The following CAT variants were observed in gnomAD, a reference collection of about 807,000 sequenced individuals.
CAT encodes the protein catalase.
CAT carries 43 observed loss-of-function variants against 59.0 expected under a neutral mutation model. The observed-to-expected ratio is 0.73, with a 90% CI of 0.57 to 0.94. The LOEUF (loss-of-function observed/expected upper bound fraction) is 0.94, where lower values mean the gene tolerates loss of function less well. Ranked by LOEUF, CAT falls within the 40% of genes least tolerant of loss-of-function variation. The pLI is 0.00. For missense variants in CAT, 664 were observed against 682.9 expected (o/e 0.97, Z 0.31); for synonymous variants, 218 against 230.9 (o/e 0.94, Z 0.51).
intron 1 of CAT, among the ~76,000 whole-genome samples, chr11:34,448,870 A>G (rs1268497227): frequency 6.6e-6 from 1 of 152,112 alleles, no homozygotes; most frequent in Non-Finnish European, 1.5e-5. Flanking sequence ...GCTTTTGGGC[A>G]CCTCTCTGAC....
intron 8 of CAT, among the ~76,000 whole-genome samples, chr11:34,458,241 G>T (rs1337441791): frequency 6.6e-6 from 1 of 152,202 alleles, no homozygotes; most frequent in African/African-American, 2.4e-5. Flanking sequence ...GACATGTTAG[G>T]TGTGTTGAAA....
At chr11:34,458,810 G>A (rs1260170330) in intron 8 of CAT, among the ~76,000 whole-genome samples, 1 of 152,150 alleles carries the variant, frequency 6.6e-6, no homozygotes, top group African/African-American at 2.4e-5. Flanking sequence ...GGAGAACTAG[G>A]CCCCCGGGAA....
intron 4 of CAT, among the ~76,000 whole-genome samples, chr11:34,452,494 C>T (rs753235818): frequency 1.8e-4 from 28 of 152,048 alleles, no homozygotes; most frequent in African/African-American, 4.3e-4. Context: ...ACTTTGGAAA[C>T]AAGCAGAGGG....
At chr11:34,450,641 TCTC>T in intron 2 of CAT, among the ~76,000 whole-genome samples, 1 of 152,330 alleles carries the variant, frequency 6.6e-6, no homozygotes, top group East Asian at 1.9e-4. Context: ...TATGTTTTCA[TCTC>T]CTCTTCTCTC....
At chr11:34,461,000 A>G (rs947022381) in intron 8 of CAT, 10 of 541,138 alleles carry the variant, frequency 1.8e-5, no homozygotes, top group African/African-American at 1.5e-4. Context: ...AAAAAAAAAG[A>G]TATTATTACC....
Position 34,469,285 on chromosome 11 carries a change from C to T in CAT, c.1434+890C>T, listed in dbSNP as rs112427972. Among the ~76,000 whole-genome samples, 367 of 152,266 alleles carry T rather than the reference C, an allele frequency of 2.4e-3. 3 individuals carry two copies. Among genetic ancestry groups the T allele is most frequent in the African/African-American group, 8.4e-3 (348 of 41,540 alleles). On this transcript the variant is annotated intron_variant, in intron 11 of 12. Coordinates refer to ENST00000241052, the MANE Select transcript of CAT (RefSeq NM_001752.4). ...CAGTATCAGCAGAGAGCTTGACAGG[C>T]GCTCTGTGTGGTAGGCAGGGCAGGA...
chr11:34,457,192 T>TTTTA (rs1554937648), intron 8 of CAT, among the ~76,000 whole-genome samples: 8 of 145,116 alleles, frequency 5.5e-5, no homozygotes, highest in Non-Finnish European at 1.2e-4. Context: ...AGCCTAACTT[T>TTTTA]ATTTTCTTGT....
intron 6 of CAT, among the ~76,000 whole-genome samples, chr11:34,455,591 A>C (rs778738663): frequency 9.2e-5 from 14 of 151,720 alleles, no homozygotes; most frequent in Non-Finnish European, 1.9e-4. Context: ...GCACAGTCTC[A>C]GTAATTGATT....
At chr11:34,466,482 TGAG>T (rs1856718528) in intron 10 of CAT, among the ~76,000 whole-genome samples, 2 of 152,094 alleles carry the variant, frequency 1.3e-5, no homozygotes, top group South Asian at 4.2e-4. Context: ...TTAATAGGTT[TGAG>T]AAAATAGATG....
intron 1 of CAT, among the ~76,000 whole-genome samples, chr11:34,441,465 G>C (rs1157927504): frequency 6.6e-6 from 1 of 152,122 alleles, no homozygotes; most frequent in Non-Finnish European, 1.5e-5. Flanking sequence ...CCTGTTGCTG[G>C]ACACCTGGGC....
At position 34,453,826 on chromosome 11, in the gene CAT, G is replaced by A. The variant is rs1222573356; in HGVS notation, c.611G>A (p.Gly204Glu). The A allele has an allele frequency of 1.9e-6, 3 of 1,613,404 alleles. No homozygotes were observed. In the Admixed American group the frequency reaches 5.0e-5, roughly 27 times the overall value. ...HQVSFLFSDR[G>E]IPDGHRHMNG... ...GTTTCTTTCTTGTTCAGTGATCGGGGGATTCCAGATGGACATCGCCACATG... is the reference window on the plus strand; with the variant it reads ...GTTTCTTTCTTGTTCAGTGATCGGGAGATTCCAGATGGACATCGCCACATG... Residue 204 changes from glycine to glutamate, a missense_variant, in exon 6 of 13, where the codon GGG (glycine) becomes GAG (glutamate). By Grantham distance (98) the Gly-to-Glu change is moderately conservative. Transcript: ENST00000241052.
In CAT at chr11:34,449,087, AG is replaced by A. The variant is rs1856490698; in HGVS notation, c.67-104del. Reference sequence around the variant, plus strand: ...TACTTTGGACACAGGAAATTAAAAAAGAGGGCAGATGGTATAAACATTGCAA... The same window carrying A: ...TACTTTGGACACAGGAAATTAAAAAAAGGGCAGATGGTATAAACATTGCAA... On this transcript the variant is annotated intron_variant, in intron 1 of 12. Transcript: ENST00000241052. 6 of 1,005,208 alleles carry A rather than the reference AG, an allele frequency of 6.0e-6. No homozygotes were observed. The East Asian group carries it at 1.5e-4, about 24-fold the overall frequency. 62.3% of individuals were successfully genotyped at this position (1,005,208 alleles called of 1,614,324 possible).
chr11:34,445,574 A>C (rs2133178530), intron 1 of CAT, among the ~76,000 whole-genome samples: 1 of 150,968 alleles, frequency 6.6e-6, no homozygotes, highest in Non-Finnish European at 1.5e-5. Flanking sequence ...TATGGGGCAC[A>C]AGAAGATGCC....
intron 1 of CAT, 64 bp from the exon 2 acceptor site, chr11:34,449,128 G>A: frequency 1.5e-6 from 2 of 1,360,158 alleles, no homozygotes; most frequent in Non-Finnish European, 2.1e-6. Context: ...ATGTACCCGT[G>A]ACAGTGTAAA....
At chr11:34,444,399 G>A (rs370158584) in intron 1 of CAT, among the ~76,000 whole-genome samples, 8 of 152,248 alleles carry the variant, frequency 5.3e-5, no homozygotes, top group African/African-American at 1.7e-4. Context: ...TATCTAAGAC[G>A]GAATTGCTTT....
chr11:34,466,587 C>G (rs1224961685), intron 10 of CAT, among the ~76,000 whole-genome samples: 1 of 151,804 alleles, frequency 6.6e-6, no homozygotes, highest in Non-Finnish European at 1.5e-5. Context: ...ACCATCCTGG[C>G]TAACACGGTG....
intron 8 of CAT, among the ~76,000 whole-genome samples, chr11:34,457,143 G>A (rs1374566013): frequency 6.8e-6 from 1 of 147,992 alleles, no homozygotes; most frequent in Non-Finnish European, 1.5e-5. Context: ...TGTTCTGTCT[G>A]TAGCTGAAGT....
In CAT at chr11:34,461,310, T is replaced by C. The variant is rs1270138818; in HGVS notation, c.1116T>C (p.His372=). 1 of 1,614,112 alleles carries C rather than the reference T, an allele frequency of 6.2e-7. No homozygotes were observed. Among genetic ancestry groups the C allele is most frequent in the African/African-American group, 1.3e-5 (1 of 74,952 alleles). ...ATCGCCTGGGACCCAATTATCTTCA[T>C]ATACCTGTGAACTGTCCCTACCGTG... ...HRHRLGPNYL[H]IPVNCPYRAR... Residue 372 remains histidine (H), a synonymous_variant, in exon 9 of 13, where the codon CAT becomes CAC. Coordinates refer to ENST00000241052, the MANE Select transcript of CAT (RefSeq NM_001752.4).
rs759821907 is a variant in CAT at position 34,456,837 on chromosome 11, A to G, written c.1056+20A>G. 8.7e-6 allele frequency: 14 copies of G among 1,613,810 alleles called. No homozygotes were observed. Among genetic ancestry groups the G allele is most frequent in the Admixed American group, 1.7e-5 (1 of 60,024 alleles). ...CTTCAGGTGAGCCTGGTGGATTGAG[A>G]TGTTCTGAGGCAGGTGTCCATGTGA... On this transcript the variant is annotated intron_variant, in intron 8 of 12. Transcript: ENST00000241052.
Sources: gnomAD v4.1 joint callset for allele counts (sites outside exome capture counted in the v4.1 genomes callset) on GRCh38, gnomAD v4.1.1 for gene constraint, MANE v1.5 for transcripts, NCBI Gene and HGNC (gene_info 2026-07-23, HGNC 2026-07-21) for gene names.